IMMT: variants seen among roughly 807,000 people sequenced by gnomAD.
IMMT encodes the protein inner membrane mitochondrial protein.
IMMT carries 40 observed loss-of-function variants against 92.7 expected under a neutral mutation model. That is an observed-to-expected ratio of 0.43 (90% CI 0.34 to 0.56). IMMT has a LOEUF of 0.56. Ranked by LOEUF, IMMT falls within the 20% of genes least tolerant of loss-of-function variation. The pLI, the probability that IMMT is intolerant of heterozygous loss-of-function variation, is 0.03. For missense variants in IMMT, 831 were observed against 912.1 expected, an observed-to-expected ratio of 0.91 and a Z score of 1.14; for synonymous variants, 322 against 336.1, an observed-to-expected ratio of 0.96 and a Z score of 0.46.
intron 5 of IMMT, 90 bp downstream of exon 5, chr2:86,171,118 G>T: frequency 8.7e-7 from 1 of 1,143,506 alleles, no homozygotes; most frequent in Non-Finnish European, 1.2e-6. Context: ...TAGTGTAAAT[G>T]TATACTTAGT....
At chr2:86,149,305 G>T in intron 12 of IMMT, among the ~76,000 whole-genome samples, 1 of 152,190 alleles carries the variant, frequency 6.6e-6, no homozygotes, top group East Asian at 1.9e-4. Context: ...CAAGACAAAA[G>T]ATATAGTCAA....
At chr2:86,161,680 AT>A (rs1412206884) in intron 8 of IMMT, among the ~76,000 whole-genome samples, 1 of 149,492 alleles carries the variant, frequency 6.7e-6, no homozygotes, top group East Asian at 2.0e-4. Flanking sequence ...CGCCCAGCTA[AT>A]TTTTTTGCAT....
chr2:86,144,052 A>G lies in IMMT; in HGVS notation c.*216T>C. ...TCATCAGTAAAACCTGAAAAAACAG[A>G]AAATGTTACACAAGTTGCAAAGAAA... On this transcript the variant is annotated 3_prime_UTR_variant, in exon 15 of 15. Transcript: ENST00000410111. 1 of 606,852 alleles carries G rather than the reference A, an allele frequency of 1.6e-6. No individual in the cohort carries two copies. Among genetic ancestry groups the G allele is most frequent in the Non-Finnish European group, 2.9e-6 (1 of 348,250 alleles). The allele number at this position is 606,852 out of a possible 1,614,324, so 37.6% of individuals were successfully genotyped here.
At position 86,172,348 on chromosome 2, in the gene IMMT, G is replaced by GT. The variant is rs200515029; in HGVS notation, c.422-1004dup. On this transcript the variant is annotated intron_variant, in intron 4 of 14. Transcript: ENST00000410111. ...CATCCCACCCAGCATATGAAACAAT[G>GT]TTTTTTTTTGTTTGAGACAGAGTCT... Among the ~76,000 whole-genome samples the GT allele has an allele frequency of 1.7e-4, 26 of 150,588 alleles. No homozygotes were observed. In the East Asian group the frequency reaches 2.0e-3, roughly 11 times the overall value.
intron 8 of IMMT, among the ~76,000 whole-genome samples, chr2:86,160,951 T>C (rs924265198): frequency 1.3e-5 from 2 of 152,148 alleles, no homozygotes; most frequent in Non-Finnish European, 2.9e-5. Context: ...AGATCCTTTA[T>C]ATGTCTGAGT....
intron 10 of IMMT, among the ~76,000 whole-genome samples, chr2:86,157,806 A>AAG (rs1675965075): frequency 6.8e-6 from 1 of 148,048 alleles, no homozygotes; most frequent in Admixed American, 6.8e-5. Flanking sequence ...AAAAAAAAGA[A>AAG]AAAAAAAAAA....
chr2:86,157,084 C>T (rs1427452823), intron 10 of IMMT, among the ~76,000 whole-genome samples: 2 of 152,174 alleles, frequency 1.3e-5, no homozygotes, highest in African/African-American at 4.8e-5. Context: ...GTTTATCCTT[C>T]TCAAGGATAA....
At chr2:86,166,306 G>T (rs566991641) in intron 7 of IMMT, among the ~76,000 whole-genome samples, 1 of 152,202 alleles carries the variant, frequency 6.6e-6, no homozygotes, top group Non-Finnish European at 1.5e-5. Context: ...ACTCCAGCCC[G>T]GGCGACAGAG....
intron 14 of IMMT, among the ~76,000 whole-genome samples, chr2:86,145,096 A>G (rs1404553489): frequency 6.6e-6 from 1 of 152,066 alleles, no homozygotes; most frequent in Non-Finnish European, 1.5e-5. Context: ...TCTGCATGAT[A>G]TCTAATCCAC....
chr2:86,179,778 C>T (rs1677701857), intron 2 of IMMT, among the ~76,000 whole-genome samples, 156 bp from the exon 3 acceptor site: 3 of 152,190 alleles, frequency 2.0e-5, no homozygotes, highest in African/African-American at 7.2e-5. Context: ...CTGCACATCA[C>T]CTTTTCCTGA....
At chr2:86,147,979 C>G (rs1675155802) in intron 12 of IMMT, 146 bp from the exon 13 acceptor site, 3 of 691,778 alleles carry the variant, frequency 4.3e-6, no homozygotes, top group East Asian at 5.7e-5. Flanking sequence ...ACTTCTACTT[C>G]TCATGTGAAA....
chr2:86,174,031 A>T (rs1233499740), intron 3 of IMMT, among the ~76,000 whole-genome samples: 1 of 152,236 alleles, frequency 6.6e-6, no homozygotes, highest in East Asian at 1.9e-4. Flanking sequence ...ATGACATATG[A>T]TCTTCTCATT....
intron 1 of IMMT, among the ~76,000 whole-genome samples, chr2:86,183,996 T>C (rs1363369466): frequency 2.0e-5 from 3 of 152,170 alleles, no homozygotes; most frequent in African/African-American, 7.2e-5. Context: ...GGTCTATTCT[T>C]AAAAGTAAAA....
chr2:86,177,354 G>A (rs1384538696), intron 3 of IMMT, among the ~76,000 whole-genome samples: 1 of 151,968 alleles, frequency 6.6e-6, no homozygotes, highest in Admixed American at 6.6e-5. Flanking sequence ...TGTAATCCCA[G>A]CACTTTGGGA....
intron 6 of IMMT, 54 bp from the exon 7 acceptor site, chr2:86,166,698 T>TTAAACTTTTGC: frequency 5.3e-6 from 8 of 1,501,718 alleles, no homozygotes; most frequent in Non-Finnish European, 7.1e-6. Context: ...ATAAATGACT[T>TTAAACTTTTGC]TAAACTTTTG....
In IMMT at chr2:86,151,370, C is replaced by A; in HGVS notation, c.1328G>T (p.Arg443Leu). Residue 443 changes from arginine to leucine, a missense_variant, in exon 12 of 15, where the codon CGG (arginine) becomes CTG (leucine). Arg to Leu is a moderately radical substitution (Grantham distance 102). Coordinates refer to ENST00000410111, the MANE Select transcript of IMMT (RefSeq NM_006839.3). Reference protein sequence around the residue: ...ALEKQKLEEKRAFDSAVAKAL... With the variant: ...ALEKQKLEEKLAFDSAVAKAL... Reference sequence around the variant, plus strand: ...TTTTGCTACTGCAGAGTCAAATGCCCGCTTTTCTTCCAGCTTTTGTTTCTC... The same window carrying A: ...TTTTGCTACTGCAGAGTCAAATGCCAGCTTTTCTTCCAGCTTTTGTTTCTC... 1 of 1,613,952 alleles carries A rather than the reference C, an allele frequency of 6.2e-7. No homozygotes were observed. The highest frequency in any genetic ancestry group is 8.5e-7 in the Non-Finnish European group (1 of 1,179,900).
chr2:86,195,204 G>A, intron 1 of IMMT, 134 bp downstream of exon 1: 3 of 954,296 alleles, frequency 3.1e-6, no homozygotes, highest in Non-Finnish European at 3.0e-6. Context: ...CTGCCCGCCC[G>A]GGCCTCTCCC....
chr2:86,151,354 T>C lies in IMMT; in HGVS notation c.1344A>G (p.Ala448=). 6.2e-7 allele frequency: 1 copy of C among 1,614,052 alleles called. No individual in the cohort carries two copies. Among genetic ancestry groups the C allele is most frequent in the Non-Finnish European group, 8.5e-7 (1 of 1,179,906 alleles). The change falls in exon 12 of 15, where the codon GCA becomes GCG. Residue 448 remains alanine (A), a synonymous_variant. Transcript: ENST00000410111. ...KLEEKRAFDS[A]VAKALEHHRS... Reference sequence around the variant, plus strand: ...TGTGATGTTCTAATGCTTTTGCTACTGCAGAGTCAAATGCCCGCTTTTCTT... The same window carrying C: ...TGTGATGTTCTAATGCTTTTGCTACCGCAGAGTCAAATGCCCGCTTTTCTT...
At chr2:86,169,716 AGAATCCT>A (rs1168771034) in intron 6 of IMMT, among the ~76,000 whole-genome samples, 3 of 149,074 alleles carry the variant, frequency 2.0e-5, no homozygotes, top group Admixed American at 6.6e-5. Flanking sequence ...AAAAAATTTA[AGAATCCT>A]GACCTACCGA....
Sources: gnomAD v4.1 joint callset for allele counts (sites outside exome capture counted in the v4.1 genomes callset) on GRCh38, gnomAD v4.1.1 for gene constraint, MANE v1.5 for transcripts, NCBI Gene and HGNC (gene_info 2026-07-23, HGNC 2026-07-21) for gene names.